Variants in MEIKIN observed in about 807,000 individuals in gnomAD.
MEIKIN encodes the protein meiotic kinetochore factor.
At chr5:131,879,197 C>G in intron 8 of MEIKIN, 149 bp from the exon 9 acceptor site, 1 of 388,816 alleles carries the variant, frequency 2.6e-6, no homozygotes, top group Non-Finnish European at 4.5e-6. Context: ...AATAATTAAA[C>G]AAGAAAAATT....
intron 9 of MEIKIN, among the ~76,000 whole-genome samples, chr5:131,857,434 G>C (rs1750214245): frequency 6.6e-6 from 1 of 152,102 alleles, no homozygotes; most frequent in Admixed American, 6.5e-5. Context: ...TTAGCTTTTG[G>C]GTAACTGTAG....
intron 8 of MEIKIN, among the ~76,000 whole-genome samples, chr5:131,887,588 C>A (rs368676487): frequency 6.6e-6 from 1 of 151,988 alleles, no homozygotes; most frequent in Non-Finnish European, 1.5e-5. Context: ...TGATGACCAG[C>A]GATGATGAGC....
intron 3 of MEIKIN, 86 bp downstream of exon 3, chr5:131,944,579 A>C (rs1439602337): frequency 2.5e-6 from 1 of 398,190 alleles, no homozygotes; most frequent in Non-Finnish European, 4.4e-6. Context: ...AACAAAGCCC[A>C]TTTTATTCTT....
chr5:131,863,699 C>T (rs1020803186), intron 9 of MEIKIN, among the ~76,000 whole-genome samples: 3 of 151,806 alleles, frequency 2.0e-5, no homozygotes, highest in Admixed American at 6.6e-5. Flanking sequence ...TGTGTCCCCA[C>T]CCAAATCTCA....
At chr5:131,907,894 C>G (rs1751270057) in intron 8 of MEIKIN, among the ~76,000 whole-genome samples, 1 of 151,558 alleles carries the variant, frequency 6.6e-6, no homozygotes, top group African/African-American at 2.4e-5. Flanking sequence ...TAAATAAATC[C>G]AAAACCTGAA....
At chr5:131,836,171 G>T (rs1430051168) in intron 11 of MEIKIN, among the ~76,000 whole-genome samples, 1 of 152,012 alleles carries the variant, frequency 6.6e-6, no homozygotes, top group East Asian at 1.9e-4. Context: ...CCTGTATTAG[G>T]TTGCTAAGAA....
intron 9 of MEIKIN, among the ~76,000 whole-genome samples, chr5:131,877,776 C>A (rs939863167): frequency 6.6e-6 from 1 of 152,246 alleles, no homozygotes; most frequent in Non-Finnish European, 1.5e-5. Flanking sequence ...CCCTGCCCCC[C>A]AGTCACCCAT....
intron 8 of MEIKIN, among the ~76,000 whole-genome samples, chr5:131,905,499 G>A (rs1751228647): frequency 6.6e-6 from 1 of 151,620 alleles, no homozygotes; most frequent in Non-Finnish European, 1.5e-5. Flanking sequence ...AATGAATCAG[G>A]GGCTACTTCT....
Position 131,933,578 on chromosome 5 carries a change from G to A in MEIKIN, c.413C>T (p.Ala138Val), listed in dbSNP as rs1751723237. 2.5e-6 allele frequency: 1 copy of A among 398,650 alleles called. No individual in the cohort carries two copies. Among genetic ancestry groups the A allele is most frequent in the Non-Finnish European group, 4.4e-6 (1 of 225,970 alleles). The allele number at this position is 398,650 out of a possible 1,614,324, so 24.7% of individuals were successfully genotyped here. The change falls in exon 5 of 13, where the codon GCA becomes GTA. Residue 138 changes from alanine (A) to valine (V), a missense_variant. Coordinates refer to ENST00000442687, the MANE Select transcript of MEIKIN (RefSeq NM_001303622.2). ...LLSYSVTDSY[A>V]EYKSFEESFP... The stretch of plus-strand genomic sequence containing the variant: ...GCTCTCTTCAAAACTCTTGTATTCT[G>A]CATAAGAGTCTGTGACTGAATAGCT...
At chr5:131,935,171 C>CT (rs1010985707) in intron 4 of MEIKIN, among the ~76,000 whole-genome samples, 3 of 148,804 alleles carry the variant, frequency 2.0e-5, no homozygotes, top group Non-Finnish European at 4.4e-5. Context: ...TGGCTCATGC[C>CT]TGTAATAACA....
At chr5:131,835,445 G>A (rs968902348) in intron 11 of MEIKIN, among the ~76,000 whole-genome samples, 9 of 152,090 alleles carry the variant, frequency 5.9e-5, no homozygotes, top group Non-Finnish European at 5.9e-5. Context: ...GCTAAGACCA[G>A]TATCAAGAGG....
rs575675174 is a variant in MEIKIN, at chr5:131,891,571, T to G, written c.704-12523A>C. Reference sequence around the variant, plus strand: ...CTTTTTTTGTTTTCCATTTGCTTGGTAGATCTTCCTCCATCCCTTTATTTT... The same window carrying G: ...CTTTTTTTGTTTTCCATTTGCTTGGGAGATCTTCCTCCATCCCTTTATTTT... On this transcript the variant is annotated intron_variant, in intron 8 of 12. Coordinates refer to ENST00000442687, the MANE Select transcript of MEIKIN (RefSeq NM_001303622.2). Among the ~76,000 whole-genome samples the G allele has an allele frequency of 5.9e-5, 9 of 152,334 alleles. No individual in the cohort carries two copies. The East Asian group carries it at 1.7e-3, about 29-fold the overall frequency.
At chr5:131,823,887 C>T (rs903397008) in intron 11 of MEIKIN, among the ~76,000 whole-genome samples, 1 of 152,202 alleles carries the variant, frequency 6.6e-6, no homozygotes, top group Non-Finnish European at 1.5e-5. Context: ...TAACACTGGT[C>T]TTTGCAGACT....
chr5:131,904,621 T>C (rs7729920), intron 8 of MEIKIN, among the ~76,000 whole-genome samples: 55,677 of 151,968 alleles, frequency 0.37, 12,299 homozygotes, highest in African/African-American at 0.63. Flanking sequence ...TACTATTTGA[T>C]CCAGCAATCC....
At chr5:131,873,492 C>T (rs1180568025) in intron 9 of MEIKIN, among the ~76,000 whole-genome samples, 1 of 152,186 alleles carries the variant, frequency 6.6e-6, no homozygotes, top group Non-Finnish European at 1.5e-5. Context: ...CACCCAGATT[C>T]ATAAAGCAAG....
chr5:131,841,951 A>G (rs185822370), intron 11 of MEIKIN, among the ~76,000 whole-genome samples: 1 of 152,010 alleles, frequency 6.6e-6, no homozygotes, highest in Admixed American at 6.5e-5. Flanking sequence ...TTTTCATTGA[A>G]GTCTTTAGTT....
intron 11 of MEIKIN, among the ~76,000 whole-genome samples, chr5:131,835,055 C>G (rs894741338): frequency 8.6e-5 from 13 of 152,018 alleles, no homozygotes; most frequent in African/African-American, 2.2e-4. Flanking sequence ...TGATGTTGAG[C>G]TCTTCATATA....
chr5:131,894,958 G>A (rs1392383436), intron 8 of MEIKIN, among the ~76,000 whole-genome samples: 3 of 152,178 alleles, frequency 2.0e-5, no homozygotes, highest in Non-Finnish European at 4.4e-5. Flanking sequence ...TGGTGAGAGA[G>A]CACATCCTTG....
chr5:131,829,219 C>T (rs1464724776), intron 11 of MEIKIN, among the ~76,000 whole-genome samples: 1 of 152,128 alleles, frequency 6.6e-6, no homozygotes, highest in Non-Finnish European at 1.5e-5. Flanking sequence ...ATTATTTCCA[C>T]CTAAAATTCT....
Sources: gnomAD v4.1 joint callset for allele counts (sites outside exome capture counted in the v4.1 genomes callset) on GRCh38, gnomAD v4.1.1 for gene constraint, MANE v1.5 for transcripts, NCBI Gene and HGNC (gene_info 2026-07-23, HGNC 2026-07-21) for gene names.